B3GALT1: variants seen among roughly 807,000 people sequenced by gnomAD.
B3GALT1 encodes the protein beta-1,3-galactosyltransferase 1, also known as UDP-Gal:betaGlcNAc beta 1,3-galactosyltransferase, polypeptide 1.
Under a neutral mutation model 23.2 loss-of-function variants are expected in B3GALT1, and 10 were observed. The ratio of observed to expected loss-of-function variants is 0.43; its 90% CI spans 0.27 to 0.73. The LOEUF (loss-of-function observed/expected upper bound fraction) is 0.73, where lower values mean the gene tolerates loss of function less well. Ranked by LOEUF, B3GALT1 falls within the 30% of genes least tolerant of loss-of-function variation. The probability of loss-of-function intolerance (pLI) is 0.21; values close to 1 mark genes in which losing one functional copy is unlikely to be tolerated. For missense variants in B3GALT1, 299 were observed against 405.4 expected (o/e 0.74, Z 2.25); for synonymous variants, 156 against 141.5 (o/e 1.10, Z -0.73).
Position 167,469,978 on chromosome 2 carries a change from C to G in B3GALT1, c.-510-20199C>G, listed in dbSNP as rs115010631. Among the ~76,000 whole-genome samples, 852 of 152,224 alleles carry G rather than the reference C, an allele frequency of 5.6e-3. 9 individuals are homozygous for G. Among genetic ancestry groups the G allele is most frequent in the African/African-American group, 0.02 (816 of 41,542 alleles). ...CTGTCTTTCCCACAATGTTGATTCT[C>G]AAGAATGGAATCGTAATTTTTTTTC... On this transcript the variant is annotated intron_variant, in intron 1 of 4. Transcript: ENST00000392690.
intron 1 of B3GALT1, among the ~76,000 whole-genome samples, chr2:167,397,927 C>G (rs1034370979): frequency 3.3e-5 from 5 of 152,080 alleles, no homozygotes; most frequent in Admixed American, 3.3e-4. Context: ...ACATTTTGTT[C>G]AGCTAGGTGA....
intron 1 of B3GALT1, among the ~76,000 whole-genome samples, chr2:167,407,122 A>G (rs558687782): frequency 6.6e-6 from 1 of 152,358 alleles, no homozygotes; most frequent in African/African-American, 2.4e-5. Context: ...ATTTTAAAAA[A>G]TAGAAATCAT....
At chr2:167,554,573 T>C (rs1683810918) in intron 2 of B3GALT1, among the ~76,000 whole-genome samples, 1 of 152,208 alleles carries the variant, frequency 6.6e-6, no homozygotes, top group African/African-American at 2.4e-5. Flanking sequence ...TTTCCTCCCC[T>C]TCTATTGCAG....
At chr2:167,583,685 T>C (rs1029719670) in intron 2 of B3GALT1, among the ~76,000 whole-genome samples, 2 of 150,440 alleles carry the variant, frequency 1.3e-5, no homozygotes, top group African/African-American at 4.9e-5. Context: ...ATCATACATA[T>C]ATACTCGATT....
At chr2:167,366,967 G>A (rs1436506603) in intron 1 of B3GALT1, among the ~76,000 whole-genome samples, 1 of 152,188 alleles carries the variant, frequency 6.6e-6, no homozygotes, top group East Asian at 1.9e-4. Context: ...ATGGCTCAGT[G>A]CTACATTCAC....
intron 3 of B3GALT1, among the ~76,000 whole-genome samples, chr2:167,661,721 C>T (rs1686063318): frequency 6.6e-6 from 1 of 151,918 alleles, no homozygotes; most frequent in Admixed American, 6.6e-5. Flanking sequence ...TTAAATATGC[C>T]CTGAGAGAAT....
intron 1 of B3GALT1, among the ~76,000 whole-genome samples, chr2:167,338,055 A>G (rs1697086964): frequency 6.6e-6 from 1 of 152,190 alleles, no homozygotes; most frequent in African/African-American, 2.4e-5. Context: ...TGAATATTAT[A>G]GATTGAAAAG....
At chr2:167,488,666 G>A (rs1333280606) in intron 1 of B3GALT1, among the ~76,000 whole-genome samples, 1 of 152,146 alleles carries the variant, frequency 6.6e-6, no homozygotes, top group Non-Finnish European at 1.5e-5. Flanking sequence ...ATTTTGTCAA[G>A]TATATACACC....
At chr2:167,555,820 G>A (rs1275380681) in intron 2 of B3GALT1, among the ~76,000 whole-genome samples, 1 of 152,122 alleles carries the variant, frequency 6.6e-6, no homozygotes, top group Non-Finnish European at 1.5e-5. Flanking sequence ...ATGCACTAAG[G>A]ATGAAAGGAG....
At chr2:167,358,529 AC>A (rs1313570279) in intron 1 of B3GALT1, among the ~76,000 whole-genome samples, 1 of 151,964 alleles carries the variant, frequency 6.6e-6, no homozygotes, top group Non-Finnish European at 1.5e-5. Context: ...ATGTTTGTGA[AC>A]TTTTTTTTAG....
chr2:167,576,148 T>A (rs780134210), intron 2 of B3GALT1, among the ~76,000 whole-genome samples: 7 of 151,820 alleles, frequency 4.6e-5, no homozygotes, highest in Non-Finnish European at 1.0e-4. Context: ...TTTTGCAAGT[T>A]GTCCATAGGC....
intron 1 of B3GALT1, among the ~76,000 whole-genome samples, chr2:167,393,397 G>T (rs1337335872): frequency 6.6e-6 from 1 of 151,812 alleles, no homozygotes; most frequent in Non-Finnish European, 1.5e-5. Flanking sequence ...GAGTGTGGAT[G>T]CTAAGAGGAG....
At chr2:167,514,571 T>C (rs771736861) in intron 2 of B3GALT1, among the ~76,000 whole-genome samples, 1 of 152,196 alleles carries the variant, frequency 6.6e-6, no homozygotes, top group Non-Finnish European at 1.5e-5. Flanking sequence ...GAGCCAAGTA[T>C]AAATGAGTTT....
At chr2:167,368,879 G>A (rs1474922692) in intron 1 of B3GALT1, among the ~76,000 whole-genome samples, 1 of 151,844 alleles carries the variant, frequency 6.6e-6, no homozygotes, top group African/African-American at 2.4e-5. Flanking sequence ...TATCCATTAG[G>A]TATTGCATGC....
intron 1 of B3GALT1, among the ~76,000 whole-genome samples, chr2:167,421,674 A>G (rs1325966738): frequency 6.6e-6 from 1 of 152,220 alleles, no homozygotes; most frequent in Non-Finnish European, 1.5e-5. Flanking sequence ...GCTGATAAAA[A>G]TGAATCTAAG....
rs553616715 is a variant in B3GALT1, at chr2:167,601,676, C to T, written c.-409-45233C>T. Among the ~76,000 whole-genome samples the T allele has an allele frequency of 1.1e-4, 16 of 152,300 alleles. No individual in the cohort carries two copies. In the South Asian group the frequency reaches 2.7e-3, roughly 26 times the overall value. On this transcript the variant is annotated intron_variant, in intron 2 of 4. Transcript: ENST00000392690. ...GACTCATTCAAGGCCTGCAGCTAAT[C>T]GAGTGGCAGAAATGTATTAGAAAAA...
intron 3 of B3GALT1, among the ~76,000 whole-genome samples, chr2:167,705,841 A>G (rs1388939898): frequency 1.3e-5 from 2 of 152,200 alleles, no homozygotes; most frequent in East Asian, 1.9e-4. Context: ...TAAGTTACAT[A>G]TTCACTTTCT....
intron 3 of B3GALT1, among the ~76,000 whole-genome samples, chr2:167,733,802 G>A (rs1039951794): frequency 2.0e-5 from 3 of 152,240 alleles, no homozygotes; most frequent in South Asian, 2.1e-4. Context: ...CCACAGATGA[G>A]GCTAACAGGA....
At chr2:167,825,386 A>G (rs1032837654) in intron 4 of B3GALT1, among the ~76,000 whole-genome samples, 2 of 150,406 alleles carry the variant, frequency 1.3e-5, no homozygotes, top group Non-Finnish European at 3.0e-5. Context: ...CAAAGGAGAC[A>G]ATGTTAGTCA....
Sources: gnomAD v4.1 joint callset for allele counts (sites outside exome capture counted in the v4.1 genomes callset) on GRCh38, gnomAD v4.1.1 for gene constraint, MANE v1.5 for transcripts, NCBI Gene and HGNC (gene_info 2026-07-23, HGNC 2026-07-21) for gene names.